Variants in SFT2D1 observed in about 807,000 individuals in gnomAD.
SFT2D1 encodes the protein SFT2 domain containing 1.
A neutral mutation model predicts 28.1 loss-of-function variants in SFT2D1; 24 were observed. The ratio of observed to expected loss-of-function variants is 0.85; its 90% confidence interval spans 0.62 to 1.20. The LOEUF is 1.20. SFT2D1 is among the 50% of genes most tolerant of loss of function. The pLI, the probability that SFT2D1 is intolerant of heterozygous loss-of-function variation, is 0.00. For synonymous variants in SFT2D1, 82 were observed against 73.7 expected (o/e 1.11, Z -0.58); for missense variants, 181 against 190.9 (o/e 0.95, Z 0.31).
chr6:166,334,841 CA>C, intron 1 of SFT2D1: 2 of 427,066 alleles, frequency 4.7e-6, no homozygotes, highest in South Asian at 1.9e-5. Context: ...GTTGTGGAAC[CA>C]AAGGGCTGTC....
At chr6:166,337,512 G>C (rs1303845613) in intron 1 of SFT2D1, among the ~76,000 whole-genome samples, 1 of 151,904 alleles carries the variant, frequency 6.6e-6, no homozygotes, top group African/African-American at 2.4e-5. Context: ...TCCTGCTTGG[G>C]GTCTCCTCTG....
chr6:166,323,636 A>G, intron 6 of SFT2D1: 1 of 152,248 alleles, frequency 6.6e-6, no homozygotes, highest in East Asian at 1.9e-4. Flanking sequence ...AAAAGGCTAC[A>G]AGGAGGACAG....
At chr6:166,326,079 T>G in intron 5 of SFT2D1, 53 bp downstream of exon 5, 2 of 1,520,388 alleles carry the variant, frequency 1.3e-6, no homozygotes, top group Non-Finnish European at 1.8e-6. Flanking sequence ...ACACGTCAGC[T>G]GGGGTGGGGG....
At chr6:166,323,353 T>C (rs1353572958) in intron 6 of SFT2D1, 1 of 152,804 alleles carries the variant, frequency 6.5e-6, no homozygotes, top group Non-Finnish European at 1.5e-5. Flanking sequence ...ATTTGAGATA[T>C]ACAGAGAATT....
intron 5 of SFT2D1, among the ~76,000 whole-genome samples, chr6:166,325,062 C>A (rs1778418604): frequency 6.6e-6 from 1 of 152,000 alleles, no homozygotes; most frequent in East Asian, 1.9e-4. Flanking sequence ...AAACAGTTTC[C>A]ATGGTTGTTT....
chr6:166,336,267 G>A (rs577982307), intron 1 of SFT2D1, among the ~76,000 whole-genome samples: 20 of 152,236 alleles, frequency 1.3e-4, no homozygotes, highest in African/African-American at 4.8e-4. Flanking sequence ...TAGCTGAACT[G>A]ACAGTTACTG....
chr6:166,327,798 T>C (rs1778475461), intron 4 of SFT2D1, among the ~76,000 whole-genome samples: 1 of 150,622 alleles, frequency 6.6e-6, no homozygotes, highest in African/African-American at 2.5e-5. Flanking sequence ...CCACATAGGA[T>C]ATATTTTTTT....
chr6:166,337,541 C>T (rs1778678833), intron 1 of SFT2D1, among the ~76,000 whole-genome samples: 1 of 152,064 alleles, frequency 6.6e-6, no homozygotes, highest in African/African-American at 2.4e-5. Flanking sequence ...GCTCCTTCTA[C>T]CTGGAAAGAC....
intron 7 of SFT2D1, among the ~76,000 whole-genome samples, chr6:166,322,134 T>C (rs777866701): frequency 3.7e-4 from 56 of 152,118 alleles, no homozygotes; most frequent in Admixed American, 4.6e-4. Context: ...CTGCCCACCT[T>C]GGCCTCCCAA....
At chr6:166,327,940 G>A (rs960939772) in intron 4 of SFT2D1, among the ~76,000 whole-genome samples, 30 of 152,030 alleles carry the variant, frequency 2.0e-4, no homozygotes, top group Non-Finnish European at 4.4e-5. Context: ...TGGGATTACA[G>A]GTGCATGCCA....
rs759987543 is a variant in SFT2D1 at position 166,324,621 on chromosome 6, T to A, written c.352-26A>T. 1.1e-5 allele frequency: 18 copies of A among 1,601,014 alleles called. No individual in the cohort carries two copies. The South Asian group carries it at 1.7e-4, about 15-fold the overall frequency. On this transcript the variant is annotated intron_variant, in intron 5 of 7. Coordinates refer to ENST00000361731, the MANE Select transcript of SFT2D1 (RefSeq NM_145169.3). ...CTAACAACAGCAAAAACAGAGCAAT[T>A]ATGAGTTTCAAAGTTTTAAAAACAT...
At chr6:166,324,667 T>A in intron 5 of SFT2D1, 72 bp from the exon 6 acceptor site, 2 of 1,391,466 alleles carry the variant, frequency 1.4e-6, no homozygotes, top group East Asian at 4.7e-5. Flanking sequence ...CAAACTTAAT[T>A]CTTGTCTTTC....
chr6:166,327,571 TA>T (rs1562443206), intron 4 of SFT2D1, among the ~76,000 whole-genome samples: 1 of 152,118 alleles, frequency 6.6e-6, no homozygotes, highest in African/African-American at 2.4e-5. Flanking sequence ...CAAATGATGC[TA>T]AATCTCACCC....
At position 166,322,800 on chromosome 6, in the gene SFT2D1, T is replaced by C; in HGVS notation, c.440+57A>G. 6 of 1,394,004 alleles carry C rather than the reference T, an allele frequency of 4.3e-6. No homozygotes were observed. The highest frequency in any genetic ancestry group is 1.2e-5 in the South Asian group (1 of 82,208). The allele number at this position is 1,394,004 out of a possible 1,614,324, so 86.4% of individuals were successfully genotyped here. A position where few individuals can be genotyped will look rare whatever the true frequency, so the allele number is the denominator to read the frequency against. Reference sequence around the variant, plus strand: ...TATGTAAAAATTACTTAAATTCATATATTTGTGTGAAGATAAGTAAAGAAC... The same window carrying C: ...TATGTAAAAATTACTTAAATTCATACATTTGTGTGAAGATAAGTAAAGAAC... On this transcript the variant is annotated intron_variant, in intron 7 of 7. Coordinates refer to ENST00000361731, the MANE Select transcript of SFT2D1 (RefSeq NM_145169.3).
chr6:166,339,857 C>T (rs1340630679), intron 1 of SFT2D1, among the ~76,000 whole-genome samples: 6 of 152,212 alleles, frequency 3.9e-5, no homozygotes, highest in Non-Finnish European at 5.9e-5. Flanking sequence ...CTCATCTTGA[C>T]GATCTCATCT....
chr6:166,342,343 A>T, intron 1 of SFT2D1, 76 bp downstream of exon 1: 1 of 1,401,544 alleles, frequency 7.1e-7, no homozygotes, highest in South Asian at 1.3e-5. Flanking sequence ...CACCCACCCC[A>T]CCCGCTCGGC....
At chr6:166,320,343 T>TA in intron 7 of SFT2D1, 87 bp from the exon 8 acceptor site, 1 of 1,083,858 alleles carries the variant, frequency 9.2e-7, no homozygotes, top group Non-Finnish European at 1.4e-6. Context: ...TCACCTTTTT[T>TA]AACAGAACTC....
chr6:166,329,575 C>T lies in SFT2D1; in HGVS notation c.165G>A (p.Leu55=). 1.2e-6 allele frequency: 2 copies of T among 1,606,154 alleles called. No individual in the cohort carries two copies. Among genetic ancestry groups the T allele is most frequent in the Non-Finnish European group, 1.7e-6 (2 of 1,174,890 alleles). Residue 55 remains leucine (L), a synonymous_variant, in exon 3 of 8, where the codon CTG becomes CTA. Coordinates refer to ENST00000361731, the MANE Select transcript of SFT2D1 (RefSeq NM_145169.3). ...VFFSILGTGL[L]WLPGGIKLFA... Reference sequence around the variant, plus strand: ...AAAGCTTTATGCCGCCCGGAAGCCACAGCAATCCAGTTCCCTAAGTTAAGA... The same window carrying T: ...AAAGCTTTATGCCGCCCGGAAGCCATAGCAATCCAGTTCCCTAAGTTAAGA...
chr6:166,331,556 TG>T (rs1401144071), intron 1 of SFT2D1: 1 of 152,566 alleles, frequency 6.6e-6, no homozygotes, highest in Non-Finnish European at 1.5e-5. Context: ...ACTAAACACT[TG>T]GTTTTAAACA....
Sources: gnomAD v4.1 joint callset for allele counts (sites outside exome capture counted in the v4.1 genomes callset) on GRCh38, gnomAD v4.1.1 for gene constraint, MANE v1.5 for transcripts, NCBI Gene and HGNC (gene_info 2026-07-23, HGNC 2026-07-21) for gene names.